The following POLK variants were observed in gnomAD, a reference collection of about 807,000 sequenced individuals.
POLK encodes the protein polymerase (DNA directed) kappa.
POLK carries 76 observed loss-of-function variants against 94.0 expected under a neutral mutation model. The ratio of observed to expected loss-of-function variants is 0.81; its 90% CI spans 0.67 to 0.98. POLK has a LOEUF of 0.98. Ranked by LOEUF, POLK falls within the 50% of genes least tolerant of loss-of-function variation. POLK has a pLI of 0.00. For missense variants in POLK, 954 were observed against 1,010.1 expected (o/e 0.94, Z 0.75); for synonymous variants, 349 against 325.4 (o/e 1.07, Z -0.78).
chr5:75,511,794 A>T (rs1389560635), exon 1 of POLK: 4 of 1,551,248 alleles, frequency 2.6e-6, no homozygotes, highest in Non-Finnish European at 3.5e-6. Context: ...GTAGAAAAGC[A>T]GGAGGAGCGG....
chr5:75,559,505 G>GTGTTTT (rs1770841207), intron 3 of POLK, among the ~76,000 whole-genome samples: 3 of 70,080 alleles, frequency 4.3e-5, no homozygotes, highest in African/African-American at 9.7e-5. Context: ...TTTGGGGTTT[G>GTGTTTT]TTTTTTTGTT....
chr5:75,517,340 A>G (rs1402081840), intron 1 of POLK, among the ~76,000 whole-genome samples: 2 of 152,082 alleles, frequency 1.3e-5, no homozygotes, highest in East Asian at 3.9e-4. Flanking sequence ...GTTTTCTTTT[A>G]CAGATCTTTC....
Position 75,530,810 on chromosome 5 carries a change from C to CT in POLK, c.-13-16185dup, listed in dbSNP as rs1166307868. Among the ~76,000 whole-genome samples the CT allele has an allele frequency of 6.1e-3, 817 of 133,762 alleles. 3 individuals are homozygous for CT. Among genetic ancestry groups the CT allele is most frequent in the Non-Finnish European group, 7.4e-3 (453 of 61,262 alleles). 87.8% of individuals were successfully genotyped at this position (133,762 alleles called of 152,430 possible). On this transcript the variant is annotated intron_variant, in intron 1 of 14. Coordinates refer to ENST00000241436, the Ensembl canonical transcript of POLK. ...TCTTGAAATTTTTTTCTTTTCTTTT[C>CT]TTTTTTTTTTTTTTTGAGTTGGAGT...
chr5:75,524,463 T>A (rs1768737294), intron 1 of POLK, among the ~76,000 whole-genome samples: 1 of 152,218 alleles, frequency 6.6e-6, no homozygotes, highest in Non-Finnish European at 1.5e-5. Flanking sequence ...TGTTTAAACA[T>A]GTGGAATAGC....
At chr5:75,523,384 A>G (rs1277133282) in intron 1 of POLK, among the ~76,000 whole-genome samples, 3 of 152,212 alleles carry the variant, frequency 2.0e-5, no homozygotes, top group Non-Finnish European at 4.4e-5. Context: ...TACTGTGTAA[A>G]TTGCAATCTA....
chr5:75,530,905 A>G (rs537467561), intron 1 of POLK, among the ~76,000 whole-genome samples: 3 of 149,078 alleles, frequency 2.0e-5, no homozygotes, highest in South Asian at 4.2e-4. Flanking sequence ...TCCCAGGTTC[A>G]TGCCGTTCTC....
chr5:75,559,523 G>GTTTTTTTTTTTTTTTTTTTTTTTT lies in POLK; in HGVS notation c.255+6936_255+6959dup, dbSNP rs775525619. On this transcript the variant is annotated intron_variant, in intron 3 of 14. Coordinates refer to ENST00000241436, the Ensembl canonical transcript of POLK. The stretch of plus-strand genomic sequence containing the variant: ...GGGGTTTGTTTTTTTGTTTTGTTTT[G>GTTTTTTTTTTTTTTTTTTTTTTTT]TTTTTTTTTTTTTTTTTTTTTTTTT... Among the ~76,000 whole-genome samples, 19 of 54,678 alleles carry GTTTTTTTTTTTTTTTTTTTTTTTT rather than the reference G, an allele frequency of 3.5e-4. 4 individuals are homozygous for GTTTTTTTTTTTTTTTTTTTTTTTT. The highest frequency in any genetic ancestry group is 1.1e-3 in the African/African-American group (15 of 13,640). 35.9% of individuals were successfully genotyped at this position (54,678 alleles called of 152,430 possible). A position where few individuals can be genotyped will look rare whatever the true frequency, so the allele number is the denominator to read the frequency against.
At chr5:75,569,284 A>G (rs1449681681) in intron 3 of POLK, 56 bp from the exon 4 acceptor site, 4 of 1,167,442 alleles carry the variant, frequency 3.4e-6, no homozygotes, top group Admixed American at 2.0e-5. Flanking sequence ...GTTGTGGTTA[A>G]TGGTGTTTCA....
intron 4 of POLK, 85 bp downstream of exon 4, chr5:75,569,577 G>A (rs1349179963): frequency 8.6e-7 from 1 of 1,156,894 alleles, no homozygotes; most frequent in East Asian, 2.4e-5. Flanking sequence ...ATTCTTTATT[G>A]AGGTCTACCA....
chr5:75,570,492 T>C (rs1189655580), intron 4 of POLK, among the ~76,000 whole-genome samples: 1 of 152,184 alleles, frequency 6.6e-6, no homozygotes, highest in East Asian at 1.9e-4. Flanking sequence ...CTAAAATGAT[T>C]ACTATCTGGA....
exon 15 of POLK, chr5:75,599,360 C>G (rs1466217838): frequency 6.6e-6 from 1 of 152,050 alleles, no homozygotes; most frequent in East Asian, 1.9e-4. Context: ...CCTTGCGTTT[C>G]ATATTTTAGC....
chr5:75,596,889 A>G (rs138351192), exon 13 of POLK: 2 of 1,613,672 alleles, frequency 1.2e-6, no homozygotes, highest in Admixed American at 1.7e-5. Flanking sequence ...CTAGTCTCCC[A>G]AGCAAGTCTT....
At chr5:75,517,394 G>A (rs1768370958) in intron 1 of POLK, among the ~76,000 whole-genome samples, 1 of 151,846 alleles carries the variant, frequency 6.6e-6, no homozygotes, top group African/African-American at 2.4e-5. Context: ...TGTAACTATT[G>A]TAAATGTTAT....
At chr5:75,543,741 T>C (rs1769868836) in intron 1 of POLK, among the ~76,000 whole-genome samples, 1 of 152,208 alleles carries the variant, frequency 6.6e-6, no homozygotes, top group Non-Finnish European at 1.5e-5. Flanking sequence ...TAACTTTACC[T>C]ATCTCACAAT....
At chr5:75,562,757 A>G (rs1286839803) in intron 3 of POLK, among the ~76,000 whole-genome samples, 1 of 152,214 alleles carries the variant, frequency 6.6e-6, no homozygotes, top group African/African-American at 2.4e-5. Context: ...TTCTGCATCC[A>G]TTGAGATAAT....
intron 1 of POLK, among the ~76,000 whole-genome samples, chr5:75,520,904 C>T (rs1392786486): frequency 6.6e-6 from 1 of 152,128 alleles, no homozygotes; most frequent in Non-Finnish European, 1.5e-5. Context: ...TCTTCAATGG[C>T]AGTTGTTTCT....
chr5:75,564,776 C>T (rs1771175530), intron 3 of POLK, among the ~76,000 whole-genome samples: 1 of 152,108 alleles, frequency 6.6e-6, no homozygotes, highest in African/African-American at 2.4e-5. Context: ...ATGGACTTCC[C>T]TTTGTAACCT....
In POLK at chr5:75,595,473, G is replaced by A. The variant is rs5744710; in HGVS notation, c.1529-749G>A. On this transcript the variant is annotated intron_variant, in intron 12 of 14. Coordinates refer to ENST00000241436, the Ensembl canonical transcript of POLK. ...CTTAACTGCATAATGTTAAGTAAAA[G>A]AAGCCAGTCTGAAAAAGCTAAATAC... Among the ~76,000 whole-genome samples the A allele has an allele frequency of 2.0e-5, 3 of 152,160 alleles. No individual in the cohort carries two copies. The East Asian group carries it at 5.8e-4, about 29-fold the overall frequency.
At chr5:75,570,795 G>A (rs1771548911) in intron 4 of POLK, among the ~76,000 whole-genome samples, 1 of 152,074 alleles carries the variant, frequency 6.6e-6, no homozygotes, top group Admixed American at 6.6e-5. Context: ...TCCTTCCCAT[G>A]CCTTAGATAG....
Sources: gnomAD v4.1 joint callset for allele counts (sites outside exome capture counted in the v4.1 genomes callset) on GRCh38, gnomAD v4.1.1 for gene constraint, MANE v1.5 for transcripts, NCBI Gene and HGNC (gene_info 2026-07-23, HGNC 2026-07-21) for gene names.